The following KLF2 variants were observed in gnomAD, a reference collection of about 807,000 sequenced individuals.
KLF2 encodes the protein KLF transcription factor 2.
A neutral mutation model predicts 22.2 loss-of-function variants in KLF2; 9 were observed. The ratio of observed to expected loss-of-function variants is 0.40; its 90% CI spans 0.24 to 0.71. The LOEUF is 0.71. KLF2 is among the 30% of genes least tolerant of loss of function. KLF2 has a pLI of 0.35. For missense variants in KLF2, 481 were observed against 542.1 expected, an observed-to-expected ratio of 0.89 and a Z score of 1.12; for synonymous variants, 299 against 264.2, an observed-to-expected ratio of 1.13 and a Z score of -1.28.
rs1291480393 is a variant in KLF2, at chr19:16,327,942, G to A, written c.*911G>A. On this transcript the variant is annotated 3_prime_UTR_variant, in exon 3 of 3. Transcript: ENST00000248071. ...ATTTTTATTTTTATTTTTAAAGGGG[G>A]TTAACCTGCTGAGTTTCTGGCATGT... is the stretch of plus-strand genomic sequence containing the variant. 1.3e-5 allele frequency: 2 copies of A among 151,994 alleles called. No individual in the cohort carries two copies. The highest frequency in any genetic ancestry group is 2.9e-5 in the Non-Finnish European group (2 of 68,022). 9.4% of individuals were successfully genotyped at this position (151,994 alleles called of 1,614,324 possible). A position where few individuals can be genotyped will look rare whatever the true frequency, so the allele number is the denominator to read the frequency against.
chr19:16,325,302 T>C lies in KLF2; in HGVS notation c.162T>C (p.Asp54=), dbSNP rs2145195999. The change falls in exon 2 of 3, where the codon GAT becomes GAC. Residue 54 remains aspartate (D), a synonymous_variant. Transcript: ENST00000248071. ...VLDFILSMGL[D]GLGAEAAPEP... ...ACTTCATCCTGTCCATGGGGCTGGA[T>C]GGCCTGGGCGCCGAGGCCGCCCCGG... 1 of 1,502,812 alleles carries C rather than the reference T, an allele frequency of 6.7e-7. No individual in the cohort carries two copies. The highest frequency in any genetic ancestry group is 8.8e-7 in the Non-Finnish European group (1 of 1,131,620). The allele number at this position is 1,502,812 out of a possible 1,614,324, so 93.1% of individuals were successfully genotyped here.
Position 16,327,274 on chromosome 19 carries a change from T to A in KLF2, c.*243T>A. The A allele has an allele frequency of 4.5e-6, 2 of 439,768 alleles. No homozygotes were observed. Among genetic ancestry groups the A allele is most frequent in the South Asian group, 3.2e-5 (1 of 31,534 alleles). 27.2% of individuals were successfully genotyped at this position (439,768 alleles called of 1,614,324 possible). ...TGACGAGTTTTGTTTTTCAAAATGG[T>A]GCAATAATTTAAGTGGCATCTTCTC... On this transcript the variant is annotated 3_prime_UTR_variant, in exon 3 of 3. Transcript: ENST00000248071.
rs759259162 is a variant in KLF2, at chr19:16,325,017, G to A, written c.75+19G>A. On this transcript the variant is annotated intron_variant, in intron 1 of 2. Transcript: ENST00000248071. ...GCAGGAGGTGAGGGCGGCGGGGACG[G>A]CGGGGCGGCCGGGACCGTGGGCGGC... 1.3e-6 allele frequency: 2 copies of A among 1,562,100 alleles called. No individual in the cohort carries two copies. The highest frequency in any genetic ancestry group is 1.7e-6 in the Non-Finnish European group (2 of 1,155,116).
rs1162622275 is a variant in KLF2 at position 16,325,435 on chromosome 19, G to T, written c.295G>T (p.Glu99Ter). Residue 99 changes from glutamate to a stop codon, truncating the protein, a stop_gained, in exon 2 of 3, where the codon GAG (glutamate) becomes TAG (stop). Coordinates refer to ENST00000248071, the MANE Select transcript of KLF2 (RefSeq NM_016270.4). LOFTEE classifies it high-confidence loss of function. ...CCTGGTGTCTGAGCTGCTGCGACCC[G>T]AGCTGGATGCGCCGCTGGGGCCCGC... ...GGLVSELLRP[E>*]LDAPLGPALH... 1 of 1,417,768 alleles carries T rather than the reference G, an allele frequency of 7.1e-7. No homozygotes were observed. Among genetic ancestry groups the T allele is most frequent in the Non-Finnish European group, 9.1e-7 (1 of 1,095,012 alleles). 87.8% of individuals were successfully genotyped at this position (1,417,768 alleles called of 1,614,324 possible).
chr19:16,326,012 C>T lies in KLF2; in HGVS notation c.872C>T (p.Ala291Val). ...KTYTKSSHLK[A>V]HLRTHTGEKP... Reference sequence around the variant, plus strand: ...TACACCAAGAGTTCGCATCTGAAGGCGCATCTGCGCACGCACACAGGTGGG... The same window carrying T: ...TACACCAAGAGTTCGCATCTGAAGGTGCATCTGCGCACGCACACAGGTGGG... The change falls in exon 2 of 3, where the codon GCG becomes GTG. Residue 291 changes from alanine (A) to valine (V), a missense_variant. Around this residue, in one of 2 missense-constraint regions of KLF2, gnomAD observed 60 missense variants for 107.0 expected, o/e 0.56. Transcript: ENST00000248071. 2 of 1,551,932 alleles carry T rather than the reference C, an allele frequency of 1.3e-6. No individual in the cohort carries two copies. The highest frequency in any genetic ancestry group is 1.9e-5 in the Admixed American group (1 of 51,530).
rs34871366 is a variant in KLF2, at chr19:16,327,251, A to AC, written c.*221dup. ...TGGGAAAAGACCACGATCCTCCTTG[A>AC]CGAGTTTTGTTTTTCAAAATGGTGC... On this transcript the variant is annotated 3_prime_UTR_variant, in exon 3 of 3. Coordinates refer to ENST00000248071, the MANE Select transcript of KLF2 (RefSeq NM_016270.4). The AC allele has an allele frequency of 0.15, 72,231 of 481,318 alleles. 6,102 individuals carry two copies. The highest frequency in any genetic ancestry group is 0.22 in the East Asian group (6,551 of 29,744). The allele number at this position is 481,318 out of a possible 1,614,324, so 29.8% of individuals were successfully genotyped here.
chr19:16,327,019 A>C lies in KLF2; in HGVS notation c.1056A>C (p.Lys352Asn). 6.2e-7 allele frequency: 1 copy of C among 1,602,652 alleles called. No individual in the cohort carries two copies. ...CCGATCACCTGGCGCTGCACATGAAACGGCACATGTAGCCGGGACGCCCCC... is the reference window on the plus strand; with the variant it reads ...CCGATCACCTGGCGCTGCACATGAACCGGCACATGTAGCCGGGACGCCCCC... ...SRSDHLALHMKRHM is the reference protein window; with the variant it reads ...SRSDHLALHMNRHM The change falls in exon 3 of 3, where the codon AAA becomes AAC. Residue 352 changes from lysine (K) to asparagine (N), a missense_variant. Around this residue, in one of 2 missense-constraint regions of KLF2, gnomAD observed 60 missense variants for 107.0 expected, o/e 0.56. Coordinates refer to ENST00000248071, the MANE Select transcript of KLF2 (RefSeq NM_016270.4).
At position 16,325,616 on chromosome 19, in the gene KLF2, G is replaced by T; in HGVS notation, c.476G>T (p.Cys159Phe). 9.0e-7 allele frequency: 1 copy of T among 1,115,936 alleles called. No individual in the cohort carries two copies. Among genetic ancestry groups the T allele is most frequent in the Non-Finnish European group, 1.1e-6 (1 of 917,176 alleles). 69.1% of individuals were successfully genotyped at this position (1,115,936 alleles called of 1,614,324 possible). Reference sequence around the variant, plus strand: ...GGCGCCCCGGGCCCGGCGGCTTCGTGCATGCGAGGTCCCGGGGGCCGCCCC... The same window carrying T: ...GGCGCCCCGGGCCCGGCGGCTTCGTTCATGCGAGGTCCCGGGGGCCGCCCC... ...REGAPGPAASCMRGPGGRPPP... is the reference protein window; with the variant it reads ...REGAPGPAASFMRGPGGRPPP... Residue 159 changes from cysteine to phenylalanine, a missense_variant, in exon 2 of 3, where the codon TGC becomes TTC. Cys to Phe is a radical substitution (Grantham distance 205, BLOSUM62 -2). Transcript: ENST00000248071.
chr19:16,326,877 A>G lies in KLF2; in HGVS notation c.914A>G (p.Asn305Ser). Residue 305 changes from asparagine to serine, a missense_variant, in exon 3 of 3, where the codon AAC (asparagine) becomes AGC (serine). By Grantham distance (46) the Asn-to-Ser change is conservative. Coordinates refer to ENST00000248071, the MANE Select transcript of KLF2 (RefSeq NM_016270.4). ...THTGEKPYHC[N>S]WDGCGWKFAR... is the part of the protein sequence containing the mutation. ...GCAGGTGAGAAGCCCTACCACTGCA[A>G]CTGGGACGGCTGCGGCTGGAAGTTT... 1.2e-6 allele frequency: 2 copies of G among 1,612,346 alleles called. No individual in the cohort carries two copies. The highest frequency in any genetic ancestry group is 1.7e-6 in the Non-Finnish European group (2 of 1,179,668).
rs949469924 is a variant in KLF2, at chr19:16,325,610, C to T, written c.470C>T (p.Ala157Val). The change falls in exon 2 of 3, where the codon GCT becomes GTT. Residue 157 changes from alanine (A) to valine (V), a missense_variant. Transcript: ENST00000248071. ...LKREGAPGPAASCMRGPGGRP... is the reference protein window; with the variant it reads ...LKREGAPGPAVSCMRGPGGRP... ...CGCGAGGGCGCCCCGGGCCCGGCGGCTTCGTGCATGCGAGGTCCCGGGGGC... is the reference window on the plus strand; with the variant it reads ...CGCGAGGGCGCCCCGGGCCCGGCGGTTTCGTGCATGCGAGGTCCCGGGGGC... 1 of 1,116,452 alleles carries T rather than the reference C, an allele frequency of 9.0e-7. No homozygotes were observed. The highest frequency in any genetic ancestry group is 1.1e-6 in the Non-Finnish European group (1 of 916,304). 69.2% of individuals were successfully genotyped at this position (1,116,452 alleles called of 1,614,324 possible).
rs984577306 is a variant in KLF2, at chr19:16,327,493, GT to G, written c.*472del. ...GTTTTTATAAGATTTTGCTGGGTTG[GT>G]TTTTTTTTTAATTAAAAAGTTTTGC... On this transcript the variant is annotated 3_prime_UTR_variant, in exon 3 of 3. Transcript: ENST00000248071. 7.3e-5 allele frequency: 11 copies of G among 149,680 alleles called. No homozygotes were observed. The highest frequency in any genetic ancestry group is 1.2e-4 in the Non-Finnish European group (8 of 67,592). The allele number at this position is 149,680 out of a possible 1,614,324, so 9.3% of individuals were successfully genotyped here. A position where few individuals can be genotyped will look rare whatever the true frequency, so the allele number is the denominator to read the frequency against.
Position 16,327,047 on chromosome 19 carries a change from C to T in KLF2, c.*16C>T. On this transcript the variant is annotated 3_prime_UTR_variant, in exon 3 of 3. Coordinates refer to ENST00000248071, the MANE Select transcript of KLF2 (RefSeq NM_016270.4). ...GCACATGTAGCCGGGACGCCCCCGC[C>T]CACCTGCGCGCGGCCGTGGCGGGTC... 1 of 1,555,316 alleles carries T rather than the reference C, an allele frequency of 6.4e-7. No homozygotes were observed.
Position 16,327,031 on chromosome 19 carries a change from G to A in KLF2, c.1068G>A (p.Ter356=). The part of the protein sequence containing the change: ...HLALHMKRHM[*] Reference sequence around the variant, plus strand: ...CGCTGCACATGAAACGGCACATGTAGCCGGGACGCCCCCGCCCACCTGCGC... The same window carrying A: ...CGCTGCACATGAAACGGCACATGTAACCGGGACGCCCCCGCCCACCTGCGC... The change falls in exon 3 of 3, where the codon TAG becomes TAA. Residue 356 remains the stop codon, a stop_retained_variant. Transcript: ENST00000248071. 1 of 1,581,742 alleles carries A rather than the reference G, an allele frequency of 6.3e-7. No individual in the cohort carries two copies. Among genetic ancestry groups the A allele is most frequent in the Non-Finnish European group, 8.6e-7 (1 of 1,163,250 alleles).
In KLF2 at chr19:16,328,240, G is replaced by A. The variant is rs1177178142; in HGVS notation, c.*1209G>A. On this transcript the variant is annotated 3_prime_UTR_variant, in exon 3 of 3. Coordinates refer to ENST00000248071, the MANE Select transcript of KLF2 (RefSeq NM_016270.4). ...TGTTGTGTGCATTGGAAGGCTAGGA[G>A]AGCCTCCTCCCCTGTAGGTCTCCTG... Among the ~76,000 whole-genome samples the A allele has an allele frequency of 2.0e-5, 3 of 152,106 alleles. No individual in the cohort carries two copies. Among genetic ancestry groups the A allele is most frequent in the Admixed American group, 1.3e-4 (2 of 15,246 alleles).
chr19:16,325,503 C>A lies in KLF2; in HGVS notation c.363C>A (p.Val121=). The A allele has an allele frequency of 1.5e-6, 2 of 1,338,124 alleles. No homozygotes were observed. Among genetic ancestry groups the A allele is most frequent in the South Asian group, 3.6e-5 (2 of 55,326 alleles). 82.9% of individuals were successfully genotyped at this position (1,338,124 alleles called of 1,614,324 possible). The stretch of plus-strand genomic sequence containing the variant: ...TGCTGGCGCCGCCCGGCCGCCTGGT[C>A]AAGGCCGAGCCCCCTGAAGCGGACG... ...RFLLAPPGRL[V]KAEPPEADGG... The change falls in exon 2 of 3, where the codon GTC becomes GTA. Residue 121 remains valine, a synonymous_variant. Transcript: ENST00000248071.
chr19:16,326,282 A>C (rs1394038126), intron 2 of KLF2, among the ~76,000 whole-genome samples: 1 of 95,354 alleles, frequency 1.0e-5, no homozygotes, highest in Admixed American at 1.1e-4. Flanking sequence ...GCTTAGGACG[A>C]GGGGGGCCTC....
In KLF2 at chr19:16,327,984, C is replaced by T. The variant is rs1386492981; in HGVS notation, c.*953C>T. ...CTGGCATGTTCTGCCCTTTACTCGT[C>T]TCGACATTTAGCAAGTCTTTTCTTA... On this transcript the variant is annotated 3_prime_UTR_variant, in exon 3 of 3. Transcript: ENST00000248071. 6.6e-6 allele frequency: 1 copy of T among 152,062 alleles called. No individual in the cohort carries two copies. The highest frequency in any genetic ancestry group is 1.5e-5 in the Non-Finnish European group (1 of 68,018). 9.4% of individuals were successfully genotyped at this position (152,062 alleles called of 1,614,324 possible).
In KLF2 at chr19:16,325,646, C is replaced by T. The variant is rs2091887150; in HGVS notation, c.506C>T (p.Pro169Leu). ...CMRGPGGRPP[P>L]PPDTPPLSPD... is the part of the protein sequence containing the mutation. Reference sequence around the variant, plus strand: ...CGAGGTCCCGGGGGCCGCCCCCCGCCGCCGCCCGACACACCGCCGCTCAGC... The same window carrying T: ...CGAGGTCCCGGGGGCCGCCCCCCGCTGCCGCCCGACACACCGCCGCTCAGC... Residue 169 changes from proline (P) to leucine (L), a missense_variant, in exon 2 of 3, where the codon CCG becomes CTG. Around this residue, in one of 2 missense-constraint regions of KLF2, gnomAD observed 421 missense variants for 435.1 expected, o/e 0.97. Coordinates refer to ENST00000248071, the MANE Select transcript of KLF2 (RefSeq NM_016270.4). The T allele has an allele frequency of 9.3e-7, 1 of 1,071,288 alleles. No individual in the cohort carries two copies. Among genetic ancestry groups the T allele is most frequent in the Non-Finnish European group, 1.1e-6 (1 of 889,504 alleles). 66.4% of individuals were successfully genotyped at this position (1,071,288 alleles called of 1,614,324 possible).
Position 16,325,351 on chromosome 19 carries a change from C to A in KLF2, c.211C>A (p.Pro71Thr). ...GGAGCCGCCGCCGCCGCCCCCGCCG[C>A]CTGCGTTCTATTACCCCGAACCCGG... ...APEPPPPPPPPAFYYPEPGAP... is the reference protein window; with the variant it reads ...APEPPPPPPPTAFYYPEPGAP... The change falls in exon 2 of 3, where the codon CCT (proline) becomes ACT (threonine). Residue 71 changes from proline to threonine, a missense_variant. Pro to Thr is a conservative substitution (Grantham distance 38). This residue lies in a region of KLF2 where 421 missense variants were observed against 435.1 expected (regional missense o/e 0.97). Transcript: ENST00000248071. The A allele has an allele frequency of 6.8e-7, 1 of 1,466,162 alleles. No homozygotes were observed. 90.8% of individuals were successfully genotyped at this position (1,466,162 alleles called of 1,614,324 possible).
Sources: gnomAD v4.1 joint callset for allele counts (sites outside exome capture counted in the v4.1 genomes callset) on GRCh38, gnomAD v4.1.1 for gene constraint, gnomAD v4.1.1 regional missense constraint, MANE v1.5 for transcripts, NCBI Gene and HGNC (gene_info 2026-07-23, HGNC 2026-07-21) for gene names.